GRIN2B: variants seen among roughly 807,000 people sequenced by gnomAD.
GRIN2B encodes glutamate receptor ionotropic, NMDA 2B.
A neutral mutation model predicts 114.5 loss-of-function variants in GRIN2B; 5 were observed. The observed-to-expected ratio is 0.04, with a 90% CI of 0.02 to 0.09. GRIN2B has a LOEUF of 0.09. GRIN2B is among the 10% of genes least tolerant of loss of function. GRIN2B has a pLI of 1.00. For synonymous variants in GRIN2B, 787 were observed against 745.1 expected, an observed-to-expected ratio of 1.06 and a Z score of -0.92; for missense variants, 1,108 against 1,943.5, an observed-to-expected ratio of 0.57 and a Z score of 8.08.
At position 13,914,302 on chromosome 12, in the gene GRIN2B, T is replaced by A. The variant is rs998658696; in HGVS notation, c.-18-48076A>T. On this transcript the variant is annotated intron_variant, in intron 2 of 13. Coordinates refer to ENST00000609686, the MANE Select transcript of GRIN2B (RefSeq NM_000834.5). Reference sequence around the variant, plus strand: ...CATCAGGTTCCAGCTTGCACCCTTTTCCATGGTACTTAATGCCTCTTAGTC... The same window carrying A: ...CATCAGGTTCCAGCTTGCACCCTTTACCATGGTACTTAATGCCTCTTAGTC... Among the ~76,000 whole-genome samples the A allele has an allele frequency of 3.3e-5, 5 of 152,276 alleles. No homozygotes were observed. The South Asian group carries it at 1.0e-3, about 32-fold the overall frequency.
intron 4 of GRIN2B, among the ~76,000 whole-genome samples, chr12:13,692,522 T>C (rs1215909441): frequency 6.6e-6 from 1 of 152,040 alleles, no homozygotes; most frequent in Non-Finnish European, 1.5e-5. Flanking sequence ...TTTCTCCAGT[T>C]ACTCTGGTTT....
intron 4 of GRIN2B, among the ~76,000 whole-genome samples, chr12:13,716,165 T>A (rs947352686): frequency 6.6e-6 from 1 of 151,940 alleles, no homozygotes; most frequent in Non-Finnish European, 1.5e-5. Flanking sequence ...AATACCTCTG[T>A]ATCTACAACA....
At position 13,866,199 on chromosome 12, in the gene GRIN2B, T is replaced by C. The variant is rs749839263; in HGVS notation, c.10A>G (p.Arg4Gly). 6.2e-7 allele frequency: 1 copy of C among 1,608,566 alleles called. No individual in the cohort carries two copies. The highest frequency in any genetic ancestry group is 8.5e-7 in the Non-Finnish European group (1 of 1,179,956). Residue 4 changes from arginine (R) to glycine (G), a missense_variant, in exon 3 of 14, where the codon AGA (arginine) becomes GGA (glycine). Around this residue, in one of 19 missense-constraint regions of GRIN2B, gnomAD observed 46 missense variants for 44.4 expected, o/e 1.04. Coordinates refer to ENST00000609686, the MANE Select transcript of GRIN2B (RefSeq NM_000834.5). ...AACTTGGGAGAACAGCACTCCGCTC[T>C]GGGCTTCATCTTCAACTCGTCGACT... MKPRAECCSPKFWL... is the reference protein window; with the variant it reads MKPGAECCSPKFWL...
At chr12:13,843,026 ATTAT>A (rs60291696) in intron 3 of GRIN2B, among the ~76,000 whole-genome samples, 72,299 of 116,722 alleles carry the variant, frequency 0.62, 20,180 homozygotes, top group South Asian at 0.66. Flanking sequence ...AAAATTTTTT[ATTAT>A]TTATTTATTT....
In GRIN2B at chr12:13,539,391, G is replaced by A. The variant is rs1276764805; in HGVS notation, c.*23392C>T. 2 of 152,216 alleles carry A rather than the reference G, an allele frequency of 1.3e-5. No individual in the cohort carries two copies. Among genetic ancestry groups the A allele is most frequent in the Non-Finnish European group, 2.9e-5 (2 of 68,038 alleles). The allele number at this position is 152,216 out of a possible 1,614,324, so 9.4% of individuals were successfully genotyped here. On this transcript the variant is annotated 3_prime_UTR_variant, in exon 14 of 14. Coordinates refer to ENST00000609686, the MANE Select transcript of GRIN2B (RefSeq NM_000834.5). ...TTGAAATGTGCCTCATGATTGGCAT[G>A]TGAAAAGCTAAATATGTCTATGCTA...
In GRIN2B at chr12:13,893,826, T is replaced by TTA. The variant is rs1555153740; in HGVS notation, c.-18-27601_-18-27600insTA. Among the ~76,000 whole-genome samples, 3 of 151,596 alleles carry TTA rather than the reference T, an allele frequency of 2.0e-5. No homozygotes were observed. The East Asian group carries it at 5.8e-4, about 29-fold the overall frequency. ...AAAGGGAACTTAAAGTGACTTTTTT[T>TTA]AAAAAAAAGAAGGGGGCTTGCATTT... On this transcript the variant is annotated intron_variant, in intron 2 of 13. Coordinates refer to ENST00000609686, the MANE Select transcript of GRIN2B (RefSeq NM_000834.5).
intron 3 of GRIN2B, among the ~76,000 whole-genome samples, chr12:13,862,883 G>C (rs933926585): frequency 6.6e-6 from 1 of 152,136 alleles, no homozygotes; most frequent in Non-Finnish European, 1.5e-5. Flanking sequence ...ATTCAGCATC[G>C]AACGCCTGGG....
rs550067661 is a variant in GRIN2B at position 13,638,972 on chromosome 12, G to T, written c.1126-22315C>A. Among the ~76,000 whole-genome samples, 36 of 152,184 alleles carry T rather than the reference G, an allele frequency of 2.4e-4. No homozygotes were observed. The South Asian group carries it at 7.5e-3, about 32-fold the overall frequency. On this transcript the variant is annotated intron_variant, in intron 5 of 13. Coordinates refer to ENST00000609686, the MANE Select transcript of GRIN2B (RefSeq NM_000834.5). ...TGTTGTACCTCAGAGGAAGGAAAAA[G>T]GAAATGAAAAATAGCATTTATGGAA...
chr12:13,611,690 A>G (rs535381128), intron 9 of GRIN2B, 35 bp downstream of exon 9: 2 of 1,608,652 alleles, frequency 1.2e-6, no homozygotes, highest in South Asian at 1.1e-5. Flanking sequence ...AGGAGAAAAA[A>G]ACTGGGGAAG....
At chr12:13,811,331 C>T (rs910709429) in intron 3 of GRIN2B, among the ~76,000 whole-genome samples, 6 of 152,056 alleles carry the variant, frequency 3.9e-5, no homozygotes, top group South Asian at 4.1e-4. Flanking sequence ...TTTTTGGTTT[C>T]GGTTTACTTT....
chr12:13,882,889 C>G (rs1482159781), intron 2 of GRIN2B, among the ~76,000 whole-genome samples: 2 of 152,234 alleles, frequency 1.3e-5, no homozygotes, highest in Middle Eastern at 3.4e-3. Flanking sequence ...TTCCATCACC[C>G]CAAATATTTC....
intron 3 of GRIN2B, among the ~76,000 whole-genome samples, chr12:13,856,324 G>A (rs1314438917): frequency 3.9e-5 from 6 of 152,184 alleles, no homozygotes; most frequent in Non-Finnish European, 4.4e-5. Flanking sequence ...CCAGATTAAA[G>A]AGGACGCTTC....
intron 4 of GRIN2B, among the ~76,000 whole-genome samples, chr12:13,708,368 A>C (rs1950381223): frequency 6.6e-6 from 1 of 152,072 alleles, no homozygotes; most frequent in Non-Finnish European, 1.5e-5. Flanking sequence ...GTCACCAGTG[A>C]GGCCACTCTA....
chr12:13,885,959 C>T (rs1866149903), intron 2 of GRIN2B, among the ~76,000 whole-genome samples: 1 of 152,134 alleles, frequency 6.6e-6, no homozygotes, highest in Non-Finnish European at 1.5e-5. Context: ...ATGTGGAACA[C>T]CTGGAGATAA....
At chr12:13,810,950 C>T (rs980755909) in intron 3 of GRIN2B, among the ~76,000 whole-genome samples, 16 of 152,214 alleles carry the variant, frequency 1.1e-4, no homozygotes, top group African/African-American at 3.6e-4. Context: ...GTCTGAAAGT[C>T]TCACTCTCTG....
chr12:13,934,207 T>C (rs1365139605), intron 2 of GRIN2B, among the ~76,000 whole-genome samples: 1 of 152,190 alleles, frequency 6.6e-6, no homozygotes, highest in Non-Finnish European at 1.5e-5. Context: ...AACCCATGCC[T>C]ACCCATGCTC....
At chr12:13,939,438 C>T (rs765442971) in intron 2 of GRIN2B, among the ~76,000 whole-genome samples, 4 of 151,724 alleles carry the variant, frequency 2.6e-5, no homozygotes, top group Admixed American at 6.6e-5. Context: ...CTCCCTCTCC[C>T]TTGCTCCTTC....
rs145742491 is a variant in GRIN2B, at chr12:13,841,041, T to G, written c.411+24757A>C. On this transcript the variant is annotated intron_variant, in intron 3 of 13. Transcript: ENST00000609686. ...ATATATTGGAGCAGCATGAGATTCC[T>G]GTACATCAATGATATGACATGATAT... is the stretch of plus-strand genomic sequence containing the variant. 6.2e-4 allele frequency among the ~76,000 whole-genome samples: 95 copies of G among 152,328 alleles called. No homozygotes were observed. In the East Asian group the frequency reaches 0.013, roughly 20 times the overall value.
At chr12:13,735,428 T>C (rs1863161020) in intron 4 of GRIN2B, among the ~76,000 whole-genome samples, 1 of 152,220 alleles carries the variant, frequency 6.6e-6, no homozygotes, top group African/African-American at 2.4e-5. Flanking sequence ...TTGGGTCTCA[T>C]TCCTTTGTGA....
Sources: allele counts gnomAD v4.1 joint callset (sites outside exome capture counted in the v4.1 genomes callset), GRCh38; gene constraint gnomAD v4.1.1; regional missense constraint gnomAD v4.1.1; transcripts MANE v1.5; gene names NCBI Gene and HGNC (gene_info 2026-07-23, HGNC 2026-07-21).